Variants in ERBB4 observed in about 807,000 individuals in gnomAD.
The protein encoded by ERBB4 is erb-b2 receptor tyrosine kinase 4.
A neutral mutation model predicts 158.0 loss-of-function variants in ERBB4; 42 were observed. That is an observed-to-expected ratio of 0.27 (90% confidence interval 0.21 to 0.34). The LOEUF is 0.34. ERBB4 is among the 10% of genes least tolerant of loss of function. The probability of loss-of-function intolerance (pLI) is 1.00; values close to 1 mark genes in which losing one functional copy is unlikely to be tolerated. For synonymous variants in ERBB4, 583 were observed against 558.7 expected (o/e 1.04, Z -0.61); for missense variants, 1,333 against 1,624.1 (o/e 0.82, Z 3.08).
chr2:211,681,543 T>G (rs963526282), intron 12 of ERBB4, among the ~76,000 whole-genome samples: 2 of 152,240 alleles, frequency 1.3e-5, no homozygotes, highest in Non-Finnish European at 2.9e-5. Flanking sequence ...GGTCAGTTTG[T>G]TCAATTTCAA....
intron 2 of ERBB4, among the ~76,000 whole-genome samples, chr2:212,067,211 T>C (rs1229828860): frequency 1.3e-5 from 2 of 152,000 alleles, no homozygotes; most frequent in Admixed American, 1.3e-4. Flanking sequence ...ATTATGGTTA[T>C]ATGCATAAGT....
chr2:211,845,532 A>T (rs2077567497), intron 3 of ERBB4, among the ~76,000 whole-genome samples: 1 of 152,062 alleles, frequency 6.6e-6, no homozygotes, highest in South Asian at 2.1e-4. Context: ...GGATCTACAA[A>T]TCTCTCACTA....
At chr2:212,327,997 T>C (rs963663468) in intron 1 of ERBB4, among the ~76,000 whole-genome samples, 4 of 148,414 alleles carry the variant, frequency 2.7e-5, no homozygotes, top group South Asian at 4.3e-4. Flanking sequence ...AGTTAACAAA[T>C]GACCCTAAAA....
chr2:211,578,420 C>G (rs2067958623), intron 19 of ERBB4, among the ~76,000 whole-genome samples: 1 of 152,072 alleles, frequency 6.6e-6, no homozygotes, highest in Non-Finnish European at 1.5e-5. Context: ...ATTAAACTAC[C>G]ATTGACATTA....
intron 20 of ERBB4, among the ~76,000 whole-genome samples, chr2:211,495,318 GAATAT>G (rs1367336057): frequency 4.6e-5 from 7 of 151,990 alleles, no homozygotes; most frequent in Non-Finnish European, 8.8e-5. Context: ...AAGATAGACT[GAATAT>G]AATAAAAATA....
At chr2:211,663,746 G>A (rs2071517229) in intron 15 of ERBB4, among the ~76,000 whole-genome samples, 1 of 152,094 alleles carries the variant, frequency 6.6e-6, no homozygotes, top group African/African-American at 2.4e-5. Flanking sequence ...CATTTTGAAT[G>A]GCAACAGCTG....
At chr2:211,642,230 T>C (rs1559374727) in intron 16 of ERBB4, among the ~76,000 whole-genome samples, 1 of 152,002 alleles carries the variant, frequency 6.6e-6, no homozygotes, top group Non-Finnish European at 1.5e-5. Context: ...ACTAAATCGG[T>C]TCTTATCAAG....
intron 2 of ERBB4, among the ~76,000 whole-genome samples, chr2:212,093,373 C>T (rs760433579): frequency 1.3e-5 from 2 of 152,138 alleles, no homozygotes; most frequent in African/African-American, 2.4e-5. Context: ...TTTCTCCATG[C>T]TTGTGAGAAT....
rs977262458 is a variant in ERBB4, at chr2:212,328,185, T to C, written c.83-203282A>G. On this transcript the variant is annotated intron_variant, in intron 1 of 27. Coordinates refer to ENST00000342788, the MANE Select transcript of ERBB4 (RefSeq NM_005235.3). ...CTTCAATCATGTTTGGAACCTGGGC[T>C]CTGAGGGTTCAAAGACTAGGACTAC... Among the ~76,000 whole-genome samples the C allele has an allele frequency of 4.6e-5, 7 of 152,094 alleles. No individual in the cohort carries two copies. The East Asian group carries it at 1.4e-3, about 30-fold the overall frequency.
intron 2 of ERBB4, among the ~76,000 whole-genome samples, chr2:211,954,962 G>A (rs1001206245): frequency 2.0e-5 from 3 of 151,962 alleles, no homozygotes; most frequent in Admixed American, 1.3e-4. Context: ...TTGGAATTCT[G>A]CGTTCATTTT....
At chr2:211,726,572 A>G (rs367936424) in intron 5 of ERBB4, among the ~76,000 whole-genome samples, 31 of 152,072 alleles carry the variant, frequency 2.0e-4, no homozygotes, top group Middle Eastern at 3.2e-3. Flanking sequence ...CACTTCTCCT[A>G]CCTAATAAAA....
intron 20 of ERBB4, among the ~76,000 whole-genome samples, chr2:211,517,283 GATA>G (rs2066061259): frequency 1.3e-5 from 2 of 151,984 alleles, no homozygotes; most frequent in South Asian, 2.1e-4. Context: ...CTGAAATAGT[GATA>G]ATGATACCTT....
At chr2:212,365,338 C>T (rs1293690834) in intron 1 of ERBB4, among the ~76,000 whole-genome samples, 1 of 151,502 alleles carries the variant, frequency 6.6e-6, no homozygotes, top group Non-Finnish European at 1.5e-5. Flanking sequence ...AATATATCCC[C>T]ATTTAGAAGA....
chr2:211,514,860 T>C (rs994071239), intron 20 of ERBB4, among the ~76,000 whole-genome samples: 1 of 152,262 alleles, frequency 6.6e-6, no homozygotes, highest in African/African-American at 2.4e-5. Flanking sequence ...GAGTATCACA[T>C]TGGTGCTCAA....
At chr2:211,644,015 T>C (rs369775786) in intron 16 of ERBB4, among the ~76,000 whole-genome samples, 2 of 152,000 alleles carry the variant, frequency 1.3e-5, no homozygotes, top group Non-Finnish European at 2.9e-5. Context: ...AGCATTTAAT[T>C]TGGCAAAACA....
intron 3 of ERBB4, among the ~76,000 whole-genome samples, chr2:211,882,956 A>G (rs556766944): frequency 1.3e-5 from 2 of 152,318 alleles, no homozygotes; most frequent in African/African-American, 4.8e-5. Context: ...TTTACTGGGT[A>G]TATACCCAAA....
chr2:212,002,813 C>A (rs1456012344), intron 2 of ERBB4, among the ~76,000 whole-genome samples: 1 of 151,954 alleles, frequency 6.6e-6, no homozygotes, highest in Non-Finnish European at 1.5e-5. Context: ...AATCCCAGCA[C>A]TTTGGGAGGC....
chr2:212,159,162 T>C (rs371261380), intron 1 of ERBB4, among the ~76,000 whole-genome samples: 2 of 152,066 alleles, frequency 1.3e-5, no homozygotes, highest in African/African-American at 2.4e-5. Flanking sequence ...ACACATGGAC[T>C]TAGAAACACT....
At chr2:211,659,303 A>T (rs2071333816) in intron 15 of ERBB4, among the ~76,000 whole-genome samples, 7 of 152,114 alleles carry the variant, frequency 4.6e-5, no homozygotes. Context: ...ATACACCTGT[A>T]TGAAAAGTCT....
Sources: gnomAD v4.1 joint callset for allele counts (sites outside exome capture counted in the v4.1 genomes callset) on GRCh38, gnomAD v4.1.1 for gene constraint, MANE v1.5 for transcripts, NCBI Gene and HGNC (gene_info 2026-07-23, HGNC 2026-07-21) for gene names.